The following BNC2 variants were observed in gnomAD, a reference collection of about 807,000 sequenced individuals.
BNC2 encodes the protein basonuclin zinc finger protein 2.
A neutral mutation model predicts 76.3 loss-of-function variants in BNC2; 20 were observed. The observed-to-expected ratio is 0.26, with a 90% CI of 0.18 to 0.38. BNC2 has a LOEUF of 0.38. Among genes scored for constraint, BNC2 ranks in the 10% least tolerant of loss-of-function variants. The probability of loss-of-function intolerance (pLI) is 1.00; values close to 1 mark genes in which losing one functional copy is unlikely to be tolerated. For missense variants in BNC2, 1,382 were observed against 1,399.8 expected, an observed-to-expected ratio of 0.99 and a Z score of 0.20; for synonymous variants, 582 against 514.8, an observed-to-expected ratio of 1.13 and a Z score of -1.77.
intron 3 of BNC2, among the ~76,000 whole-genome samples, chr9:16,693,971 G>C (rs10511625): frequency 0.62 from 93,759 of 152,094 alleles, 32,127 homozygotes; most frequent in Non-Finnish European, 0.8. Flanking sequence ...CGGCAATCAA[G>C]AGTGAAGATG....
chr9:16,661,958 G>C (rs1822123171), intron 3 of BNC2, among the ~76,000 whole-genome samples: 1 of 152,200 alleles, frequency 6.6e-6, no homozygotes, highest in South Asian at 2.1e-4. Context: ...TAAGCTTTAA[G>C]TGTGTAGAAA....
chr9:16,444,672 G>C (rs981867595), intron 5 of BNC2, among the ~76,000 whole-genome samples: 2 of 152,180 alleles, frequency 1.3e-5, no homozygotes, highest in Non-Finnish European at 2.9e-5. Flanking sequence ...GTGGCTCTGA[G>C]TGCTGAAAGC....
chr9:16,735,239 A>T (rs1351674676), intron 2 of BNC2, among the ~76,000 whole-genome samples: 2 of 152,204 alleles, frequency 1.3e-5, no homozygotes, highest in Non-Finnish European at 2.9e-5. Context: ...CAAACATTTT[A>T]CCTACCTTGT....
chr9:16,591,999 G>T (rs112556040), intron 3 of BNC2, among the ~76,000 whole-genome samples: 2 of 152,024 alleles, frequency 1.3e-5, no homozygotes, highest in Non-Finnish European at 2.9e-5. Context: ...CAGGAGATTC[G>T]CAAGAGCCTG....
At chr9:16,625,015 T>C (rs1405457919) in intron 3 of BNC2, among the ~76,000 whole-genome samples, 1 of 152,168 alleles carries the variant, frequency 6.6e-6, no homozygotes, top group Admixed American at 6.5e-5. Context: ...GCAGTCGGAG[T>C]GCACATTTTA....
intron 1 of BNC2, among the ~76,000 whole-genome samples, chr9:16,740,929 T>C (rs1824829720): frequency 1.3e-5 from 2 of 152,054 alleles, no homozygotes; most frequent in South Asian, 2.1e-4. Context: ...GAAATACATA[T>C]ATTAAAACTG....
chr9:16,621,670 A>G (rs941119855), intron 3 of BNC2, among the ~76,000 whole-genome samples: 49 of 152,222 alleles, frequency 3.2e-4, no homozygotes, highest in Middle Eastern at 3.4e-3. Flanking sequence ...AGAAAATTGG[A>G]CTGGTGTCTA....
intron 5 of BNC2, among the ~76,000 whole-genome samples, chr9:16,446,529 T>C (rs1367635948): frequency 6.6e-6 from 1 of 152,158 alleles, no homozygotes; most frequent in South Asian, 2.1e-4. Context: ...AGAAGTAATG[T>C]ATTCACAAGT....
At chr9:16,635,880 C>T (rs750422471) in intron 3 of BNC2, among the ~76,000 whole-genome samples, 9 of 152,198 alleles carry the variant, frequency 5.9e-5, no homozygotes, top group Admixed American at 3.9e-4. Flanking sequence ...ACATCCCACA[C>T]TCCATATGGC....
intron 5 of BNC2, among the ~76,000 whole-genome samples, chr9:16,479,858 T>C (rs1038611406): frequency 6.6e-6 from 1 of 152,212 alleles, no homozygotes. Context: ...TAAAATGTTA[T>C]CTGTAACAGC....
chr9:16,528,613 A>T (rs10121584), intron 5 of BNC2, among the ~76,000 whole-genome samples: 71,578 of 152,044 alleles, frequency 0.47, 17,418 homozygotes, highest in South Asian at 0.62. Flanking sequence ...AAGTACCTAC[A>T]TAATGACCTG....
chr9:16,777,434 C>T (rs1363447409), intron 1 of BNC2, among the ~76,000 whole-genome samples: 1 of 152,072 alleles, frequency 6.6e-6, no homozygotes, highest in Non-Finnish European at 1.5e-5. Flanking sequence ...GACACGGTGG[C>T]TCACGCCTGT....
intron 1 of BNC2, among the ~76,000 whole-genome samples, chr9:16,791,879 G>C (rs1041995980): frequency 2.0e-5 from 3 of 152,126 alleles, no homozygotes; most frequent in African/African-American, 7.2e-5. Flanking sequence ...AAGGCAGGTG[G>C]ATCACTTAAG....
chr9:16,759,429 A>T (rs1178215751), intron 1 of BNC2, among the ~76,000 whole-genome samples: 1 of 151,530 alleles, frequency 6.6e-6, no homozygotes, highest in Non-Finnish European at 1.5e-5. Flanking sequence ...ATTTTCCTTA[A>T]TTTTTTTTTA....
intron 1 of BNC2, among the ~76,000 whole-genome samples, chr9:16,774,848 C>T (rs1455351683): frequency 2.0e-5 from 3 of 152,228 alleles, no homozygotes; most frequent in African/African-American, 7.2e-5. Context: ...GCCTTATCTG[C>T]TGGCCTATCC....
chr9:16,458,183 T>C (rs1303752602), intron 5 of BNC2, among the ~76,000 whole-genome samples: 1 of 151,410 alleles, frequency 6.6e-6, no homozygotes, highest in Non-Finnish European at 1.5e-5. Context: ...CAATAACAGA[T>C]ACATGAGATT....
chr9:16,733,119 G>T (rs575078833), intron 2 of BNC2, among the ~76,000 whole-genome samples: 3 of 152,236 alleles, frequency 2.0e-5, no homozygotes, highest in Admixed American at 2.0e-4. Flanking sequence ...TCACAGAAGT[G>T]GGGGAACCAA....
At chr9:16,690,812 T>C (rs534397600) in intron 3 of BNC2, among the ~76,000 whole-genome samples, 2 of 152,292 alleles carry the variant, frequency 1.3e-5, no homozygotes, top group South Asian at 2.1e-4. Flanking sequence ...GATTCTGTTA[T>C]GCAACAGGTT....
intron 1 of BNC2, among the ~76,000 whole-genome samples, chr9:16,829,089 G>C (rs1166419166): frequency 6.6e-6 from 1 of 152,274 alleles, no homozygotes; most frequent in African/African-American, 2.4e-5. Flanking sequence ...TGGGAGGACT[G>C]AGCGCGACTG....
Sources: allele counts gnomAD v4.1 joint callset (sites outside exome capture counted in the v4.1 genomes callset), GRCh38; gene constraint gnomAD v4.1.1; transcripts MANE v1.5; gene names NCBI Gene and HGNC (gene_info 2026-07-23, HGNC 2026-07-21).